Variants in AK5 observed in about 807,000 individuals in gnomAD.
AK5 encodes the protein adenylate kinase 5.
AK5 carries 27 observed loss-of-function variants against 69.5 expected under a neutral mutation model. That is an observed-to-expected ratio of 0.39 (90% confidence interval 0.29 to 0.54). The LOEUF (loss-of-function observed/expected upper bound fraction) is 0.54, where lower values mean the gene tolerates loss of function less well. Ranked by LOEUF, AK5 falls within the 20% of genes least tolerant of loss-of-function variation. The pLI, the probability that AK5 is intolerant of heterozygous loss-of-function variation, is 0.71. For synonymous variants in AK5, 260 were observed against 244.4 expected (o/e 1.06, Z -0.60); for missense variants, 531 against 700.4 (o/e 0.76, Z 2.73).
At chr1:77,291,006 T>A (rs1658655791) in intron 2 of AK5, among the ~76,000 whole-genome samples, 2 of 152,186 alleles carry the variant, frequency 1.3e-5, no homozygotes, top group Non-Finnish European at 2.9e-5. Context: ...GTCGGCTTCC[T>A]GGAAGAGGTG....
chr1:77,431,755 T>C (rs1651652145), intron 8 of AK5, among the ~76,000 whole-genome samples: 1 of 152,154 alleles, frequency 6.6e-6, no homozygotes, highest in Non-Finnish European at 1.5e-5. Flanking sequence ...GAAATGGGCA[T>C]TGCAATAGGA....
At chr1:77,461,576 C>G (rs1439525902) in intron 8 of AK5, among the ~76,000 whole-genome samples, 1 of 151,394 alleles carries the variant, frequency 6.6e-6, no homozygotes, top group Non-Finnish European at 1.5e-5. Flanking sequence ...TCAAGACCAC[C>G]CTGGCCAACA....
intron 2 of AK5, among the ~76,000 whole-genome samples, chr1:77,287,435 T>C (rs1021939260): frequency 1.3e-5 from 2 of 152,226 alleles, no homozygotes; most frequent in African/African-American, 4.8e-5. Context: ...CAAACAAGAT[T>C]TCTCCAAATA....
chr1:77,533,516 A>C (rs940215232), intron 12 of AK5, among the ~76,000 whole-genome samples: 54 of 27,296 alleles, frequency 2.0e-3, no homozygotes, highest in African/African-American at 2.7e-3. Flanking sequence ...CACCAAAAAA[A>C]AAAAAAAAAA....
intron 12 of AK5, among the ~76,000 whole-genome samples, chr1:77,523,532 C>T (rs1658110563): frequency 6.6e-6 from 1 of 152,132 alleles, no homozygotes; most frequent in African/African-American, 2.4e-5. Flanking sequence ...GTAAAATAGA[C>T]ATAACAAAAT....
intron 10 of AK5, among the ~76,000 whole-genome samples, chr1:77,511,987 C>T (rs1203698990): frequency 1.3e-5 from 2 of 152,090 alleles, no homozygotes; most frequent in African/African-American, 2.4e-5. Context: ...AAATAACGAA[C>T]GCTCAGTTTC....
At chr1:77,418,073 A>G (rs1650548029) in intron 8 of AK5, among the ~76,000 whole-genome samples, 2 of 152,166 alleles carry the variant, frequency 1.3e-5, no homozygotes, top group African/African-American at 4.8e-5. Context: ...GGGCTCTGCT[A>G]TTTTATCGCT....
intron 5 of AK5, among the ~76,000 whole-genome samples, chr1:77,334,127 C>T (rs1661227637): frequency 6.6e-6 from 1 of 152,066 alleles, no homozygotes; most frequent in Non-Finnish European, 1.5e-5. Context: ...GTTTTAATTA[C>T]TATAGAATTT....
chr1:77,302,428 G>T (rs1412832433), intron 5 of AK5, among the ~76,000 whole-genome samples: 1 of 152,006 alleles, frequency 6.6e-6, no homozygotes, highest in Non-Finnish European at 1.5e-5. Context: ...CATTTTTATA[G>T]ATTGAGGGTA....
chr1:77,466,380 T>C (rs1019137964), intron 8 of AK5, among the ~76,000 whole-genome samples: 1 of 152,198 alleles, frequency 6.6e-6, no homozygotes, highest in African/African-American at 2.4e-5. Context: ...CATTTACTTA[T>C]ATCGTTACCT....
At position 77,352,352 on chromosome 1, in the gene AK5, C is replaced by T. The variant is rs868680926; in HGVS notation, c.891+11784C>T. 2.6e-5 allele frequency among the ~76,000 whole-genome samples: 4 copies of T among 152,176 alleles called. No homozygotes were observed. In the South Asian group the frequency reaches 8.3e-4, roughly 32 times the overall value. On this transcript the variant is annotated intron_variant, in intron 6 of 13. Coordinates refer to ENST00000354567, the MANE Select transcript of AK5 (RefSeq NM_174858.3). ...TTCATCTTATATCTAATTCTTCCAA[C>T]AGTGTTTTAAAATTAATGAAAGAAA...
Position 77,368,243 on chromosome 1 carries a change from A to ATGT in AK5, c.891+27676_891+27677insGTT, listed in dbSNP as rs1432239191. 7.0e-3 allele frequency among the ~76,000 whole-genome samples: 124 copies of ATGT among 17,670 alleles called. 15 individuals are homozygous for ATGT. The East Asian group carries it at 0.11, about 16-fold the overall frequency. The allele number at this position is 17,670 out of a possible 152,430, so 11.6% of individuals were successfully genotyped here. A position where few individuals can be genotyped will look rare whatever the true frequency, so the allele number is the denominator to read the frequency against. Reference sequence around the variant, plus strand: ...TATATATATATATATATATATATATATATATATATAATATATATGTTATAT... The same window carrying ATGT: ...TATATATATATATATATATATATATATGTTATATATATAATATATATGTTATAT... On this transcript the variant is annotated intron_variant, in intron 6 of 13. Coordinates refer to ENST00000354567, the MANE Select transcript of AK5 (RefSeq NM_174858.3).
chr1:77,326,281 A>T (rs975024027), intron 5 of AK5, among the ~76,000 whole-genome samples: 1 of 152,170 alleles, frequency 6.6e-6, no homozygotes, highest in Non-Finnish European at 1.5e-5. Flanking sequence ...CTTTGGAGAC[A>T]GTCTTTGTGT....
intron 12 of AK5, among the ~76,000 whole-genome samples, chr1:77,522,966 G>A (rs1483654764): frequency 6.6e-6 from 1 of 152,024 alleles, no homozygotes; most frequent in African/African-American, 2.4e-5. Flanking sequence ...GCCCAGAAAG[G>A]GTTAATGACT....
At chr1:77,522,676 C>T (rs906630749) in intron 12 of AK5, among the ~76,000 whole-genome samples, 1 of 152,116 alleles carries the variant, frequency 6.6e-6, no homozygotes. Flanking sequence ...AAGTAAAAAC[C>T]ATTGTGGCTG....
In AK5 at chr1:77,509,894, TTG is replaced by T. The variant is rs1274940983; in HGVS notation, c.1148-8664_1148-8663del. Among the ~76,000 whole-genome samples, 20 of 152,318 alleles carry T rather than the reference TTG, an allele frequency of 1.3e-4. No individual in the cohort carries two copies. The East Asian group carries it at 3.9e-3, about 29-fold the overall frequency. On this transcript the variant is annotated intron_variant, in intron 10 of 13. Transcript: ENST00000354567. Reference sequence around the variant, plus strand: ...TTGCAGATAATAATTATGATGTTTATTGTGTGTTTCACTTTGCCAGCTACCAA... The same window carrying T: ...TTGCAGATAATAATTATGATGTTTATTGTGTTTCACTTTGCCAGCTACCAA...
At chr1:77,392,000 T>C (rs1273740217) in intron 6 of AK5, among the ~76,000 whole-genome samples, 1 of 152,222 alleles carries the variant, frequency 6.6e-6, no homozygotes, top group East Asian at 1.9e-4. Context: ...GACAGGTACG[T>C]AGACTCCAAC....
At chr1:77,297,476 C>G in intron 3 of AK5, 83 bp from the exon 4 acceptor site, 2 of 1,302,346 alleles carry the variant, frequency 1.5e-6, no homozygotes, top group Non-Finnish European at 2.1e-6. Flanking sequence ...ACAGAATTTG[C>G]ATCCCAGATG....
intron 8 of AK5, among the ~76,000 whole-genome samples, chr1:77,452,830 T>C (rs1653239055): frequency 6.6e-6 from 1 of 152,174 alleles, no homozygotes; most frequent in Non-Finnish European, 1.5e-5. Flanking sequence ...ACATGCTTTC[T>C]TAAATACCTA....
Sources: allele counts gnomAD v4.1 joint callset (sites outside exome capture counted in the v4.1 genomes callset), GRCh38; gene constraint gnomAD v4.1.1; transcripts MANE v1.5; gene names NCBI Gene and HGNC (gene_info 2026-07-23, HGNC 2026-07-21).